The following ITGA5 variants were observed in gnomAD, a reference collection of about 807,000 sequenced individuals.
ITGA5 encodes integrin subunit alpha 5, also known as integrin alpha-5.
ITGA5 carries 55 observed loss-of-function variants against 146.3 expected under a neutral mutation model. The observed-to-expected ratio is 0.38, with a 90% CI of 0.30 to 0.47. The LOEUF is 0.47. ITGA5 is among the 20% of genes least tolerant of loss of function. ITGA5 has a pLI of 0.99. For missense variants in ITGA5, 1,131 were observed against 1,329.0 expected, an observed-to-expected ratio of 0.85 and a Z score of 2.32; for synonymous variants, 500 against 531.8, an observed-to-expected ratio of 0.94 and a Z score of 0.82.
chr12:54,399,937 T>C lies in ITGA5; in HGVS notation c.2654A>G (p.Glu885Gly), dbSNP rs1343847075. The change falls in exon 26 of 30, where the codon GAG becomes GGG. Residue 885 changes from glutamate to glycine, a missense_variant. Coordinates refer to ENST00000293379, the MANE Select transcript of ITGA5 (RefSeq NM_002205.5). ...INPKGLELDP[E>G]GSLHHQQKRE... ...TTTTTGCTGGTGGTGCAGGGAACCC[T>C]CGGGATCCAACTATAAAAGAAAGTG... The C allele has an allele frequency of 1.9e-6, 3 of 1,613,660 alleles. No homozygotes were observed. Among genetic ancestry groups the C allele is most frequent in the African/African-American group, 2.7e-5 (2 of 74,918 alleles).
chr12:54,402,889 C>T (rs1160659648), intron 19 of ITGA5, 94 bp downstream of exon 19: 1 of 990,208 alleles, frequency 1.0e-6, no homozygotes, highest in Non-Finnish European at 1.6e-6. Flanking sequence ...AGCTCAGCAA[C>T]TTCCCAAGGC....
Position 54,419,137 on chromosome 12 carries a change from C to G in ITGA5, c.62G>C (p.Arg21Pro), listed in dbSNP as rs776684780. ...HAVQLRWGPR[R>P]RPPLLPLLLL... ...CAGCAGCGGCAGCAGCGGGGGTCGG[C>G]GCCGGGGGCCCCAGCGCAGCTGCAC... The change falls in exon 1 of 30, where the codon CGC becomes CCC. Residue 21 changes from arginine to proline, a missense_variant. Arg to Pro is a moderately radical substitution (Grantham distance 103, BLOSUM62 -2). This residue lies in a region of ITGA5 where 175 missense variants were observed against 179.3 expected (regional missense o/e 0.98). Coordinates refer to ENST00000293379, the MANE Select transcript of ITGA5 (RefSeq NM_002205.5). 2.4e-4 allele frequency: 384 copies of G among 1,585,862 alleles called. No individual in the cohort carries two copies. The highest frequency in any genetic ancestry group is 3.1e-4 in the Non-Finnish European group (357 of 1,169,560).
At chr12:54,407,716 G>T in intron 8 of ITGA5, 24 bp from the exon 9 acceptor site, 1 of 1,612,488 alleles carries the variant, frequency 6.2e-7, no homozygotes, top group Non-Finnish European at 8.5e-7. Flanking sequence ...AGAAAGTTGT[G>T]ACCTAAGGGT....
In ITGA5 at chr12:54,409,507, C is replaced by A; in HGVS notation, c.440G>T (p.Arg147Leu). The change falls in exon 3 of 30, where the codon CGA becomes CTA. Residue 147 changes from arginine to leucine, a missense_variant. Arg to Leu is a moderately radical substitution (Grantham distance 102). Transcript: ENST00000293379. This position sits in a 1 kb window ranked among gnomAD's most constrained non-coding sequence, Gnocchi z 4.7. ...KSLQWFGATVRAHGSSILACA... is the reference protein window; with the variant it reads ...KSLQWFGATVLAHGSSILACA... The stretch of plus-strand genomic sequence containing the variant: ...CACCAAGATGGAGGAGCCATGGGCT[C>A]GAACTGTTGCCCCGAACCACTGCAA... 1 of 1,613,926 alleles carries A rather than the reference C, an allele frequency of 6.2e-7. No homozygotes were observed. Among genetic ancestry groups the A allele is most frequent in the Non-Finnish European group, 8.5e-7 (1 of 1,179,844 alleles).
In ITGA5 at chr12:54,401,978, A is replaced by G. The variant is rs1239812075; in HGVS notation, c.2226+23T>C. On this transcript the variant is annotated intron_variant, in intron 21 of 29. Coordinates refer to ENST00000293379, the MANE Select transcript of ITGA5 (RefSeq NM_002205.5). This position sits in a 1 kb window ranked among gnomAD's most constrained non-coding sequence, Gnocchi z 5.0. Reference sequence around the variant, plus strand: ...CTCAGGTCTGCTCTCCCTCTGTCCCATCCTCTTTCATCCCAAACTTACACT... The same window carrying G: ...CTCAGGTCTGCTCTCCCTCTGTCCCGTCCTCTTTCATCCCAAACTTACACT... 6.8e-6 allele frequency: 11 copies of G among 1,612,400 alleles called. No homozygotes were observed. In the East Asian group the frequency reaches 2.5e-4, roughly 36 times the overall value.
intron 1 of ITGA5, among the ~76,000 whole-genome samples, chr12:54,413,881 AG>A (rs1955975536): frequency 6.6e-6 from 1 of 152,230 alleles, no homozygotes; most frequent in African/African-American, 2.4e-5. Flanking sequence ...CCTGGAGCAC[AG>A]GGCTAAGGCC....
rs1955696878 is a variant in ITGA5, at chr12:54,395,551, G to A, written c.*742C>T. The A allele has an allele frequency of 6.6e-6, 1 of 152,494 alleles. No individual in the cohort carries two copies. Among genetic ancestry groups the A allele is most frequent in the South Asian group, 2.1e-4 (1 of 4,832 alleles). 9.4% of individuals were successfully genotyped at this position (152,494 alleles called of 1,614,324 possible). ...AAATTCCTGGCTTCTCCTAAATCAG[G>A]GTGAACTGGGCCTCCAGGATCAGGT... On this transcript the variant is annotated 3_prime_UTR_variant, in exon 30 of 30. Coordinates refer to ENST00000293379, the MANE Select transcript of ITGA5 (RefSeq NM_002205.5).
In ITGA5 at chr12:54,396,237, A is replaced by G; in HGVS notation, c.*56T>C. The G allele has an allele frequency of 7.2e-7, 1 of 1,380,342 alleles. No homozygotes were observed. Among genetic ancestry groups the G allele is most frequent in the Non-Finnish European group, 1.0e-6 (1 of 969,106 alleles). The allele number at this position is 1,380,342 out of a possible 1,614,324, so 85.5% of individuals were successfully genotyped here. A position where few individuals can be genotyped will look rare whatever the true frequency, so the allele number is the denominator to read the frequency against. ...AGTACCCAGACCCCTCCTTTTCAGT[A>G]GAATGAGGGTGGGGGGACTGGTTCT... is the stretch of plus-strand genomic sequence containing the variant. On this transcript the variant is annotated 3_prime_UTR_variant, in exon 30 of 30. Transcript: ENST00000293379.
Position 54,396,136 on chromosome 12 carries a change from C to G in ITGA5, c.*157G>C, listed in dbSNP as rs1955706007. 1 of 613,486 alleles carries G rather than the reference C, an allele frequency of 1.6e-6. No individual in the cohort carries two copies. The highest frequency in any genetic ancestry group is 2.9e-6 in the Non-Finnish European group (1 of 343,094). 38.0% of individuals were successfully genotyped at this position (613,486 alleles called of 1,614,324 possible). On this transcript the variant is annotated 3_prime_UTR_variant, in exon 30 of 30. Coordinates refer to ENST00000293379, the MANE Select transcript of ITGA5 (RefSeq NM_002205.5). Reference sequence around the variant, plus strand: ...GGGGAGGGATCCCCAGCTCCTCACCCCCCTGGCTCTGGCCCTTCAAGTATG... The same window carrying G: ...GGGGAGGGATCCCCAGCTCCTCACCGCCCTGGCTCTGGCCCTTCAAGTATG...
In ITGA5 at chr12:54,401,727, T is replaced by C; in HGVS notation, c.2306+49A>G. On this transcript the variant is annotated intron_variant, in intron 22 of 29. Transcript: ENST00000293379. The surrounding 1 kb of genome is among the most constrained non-coding windows in gnomAD (Gnocchi z 5.0). Reference sequence around the variant, plus strand: ...AGCCAGTGAGAATGGCGCCCAGCCCTCCCTTCCGTCCCCAGCTCAGCCCCA... The same window carrying C: ...AGCCAGTGAGAATGGCGCCCAGCCCCCCCTTCCGTCCCCAGCTCAGCCCCA... The C allele has an allele frequency of 6.2e-7, 1 of 1,610,480 alleles. No individual in the cohort carries two copies. The highest frequency in any genetic ancestry group is 8.5e-7 in the Non-Finnish European group (1 of 1,176,916).
In ITGA5 at chr12:54,405,258, G is replaced by A. The variant is rs773645556; in HGVS notation, c.1133C>T (p.Thr378Met). The A allele has an allele frequency of 3.7e-5, 60 of 1,613,822 alleles. No individual in the cohort carries two copies. Among genetic ancestry groups the A allele is most frequent in the Middle Eastern group, 1.6e-4 (1 of 6,076 alleles). Reference protein sequence around the residue: ...YLQHPAGIEPTPTLTLTGHDE... With the variant: ...YLQHPAGIEPMPTLTLTGHDE... ...ATGGCCAGTGAGGGTAAGGGTGGGC[G>A]TGGGCTCTATGCCGGCTGGGTGCTG... Residue 378 changes from threonine to methionine, a missense_variant, in exon 12 of 30, where the codon ACG (threonine) becomes ATG (methionine). Around this residue, in one of 3 missense-constraint regions of ITGA5, gnomAD observed 889 missense variants for 1,021.5 expected, o/e 0.87. Transcript: ENST00000293379.
In ITGA5 at chr12:54,399,926, G is replaced by A; in HGVS notation, c.2665C>T (p.His889Tyr). 2 of 1,614,044 alleles carry A rather than the reference G, an allele frequency of 1.2e-6. No homozygotes were observed. Among genetic ancestry groups the A allele is most frequent in the African/African-American group, 1.3e-5 (1 of 75,040 alleles). ...GLELDPEGSL[H>Y]HQQKREAPSR... ...GGAGCTTCCCGTTTTTGCTGGTGGT[G>A]CAGGGAACCCTCGGGATCCAACTAT... Residue 889 changes from histidine (H) to tyrosine (Y), a missense_variant, in exon 26 of 30, where the codon CAC (histidine) becomes TAC (tyrosine). Transcript: ENST00000293379.
chr12:54,417,771 T>C (rs1188313098), intron 1 of ITGA5, among the ~76,000 whole-genome samples: 1 of 152,028 alleles, frequency 6.6e-6, no homozygotes, highest in Non-Finnish European at 1.5e-5. Context: ...CTCAGAGATG[T>C]AGAAGAAAAA....
intron 9 of ITGA5, among the ~76,000 whole-genome samples, chr12:54,406,693 T>C (rs1955870513): frequency 6.6e-6 from 1 of 152,204 alleles, no homozygotes. Flanking sequence ...GCTGAAATTG[T>C]TTCCTTTTCT....
intron 9 of ITGA5, 86 bp downstream of exon 9, chr12:54,407,563 T>C: frequency 8.7e-7 from 1 of 1,154,652 alleles, no homozygotes; most frequent in Non-Finnish European, 1.3e-6. Context: ...CTGATCCACC[T>C]TTTTGAGCCC....
At chr12:54,400,067 A>G (rs1373222122) in intron 25 of ITGA5, 120 bp from the exon 26 acceptor site, 2 of 722,324 alleles carry the variant, frequency 2.8e-6, no homozygotes, top group South Asian at 1.6e-5. Context: ...GATTCATCCA[A>G]CTGTCCACCT....
chr12:54,412,723 G>A (rs183189561), intron 1 of ITGA5, among the ~76,000 whole-genome samples: 137 of 152,296 alleles, frequency 9.0e-4, no homozygotes, highest in African/African-American at 3.2e-3. Flanking sequence ...TGATATGAGG[G>A]GAAGTTTGCC....
intron 1 of ITGA5, among the ~76,000 whole-genome samples, chr12:54,418,126 C>G (rs1382543405): frequency 6.6e-6 from 1 of 152,022 alleles, no homozygotes; most frequent in East Asian, 1.9e-4. Context: ...CCGGTCTCAG[C>G]ACAGCTCCAG....
At chr12:54,407,439 A>G in intron 9 of ITGA5, 1 of 607,202 alleles carries the variant, frequency 1.6e-6, no homozygotes, top group South Asian at 1.9e-5. Context: ...GTATACAGAG[A>G]AGAAGAAGGC....
Sources: allele counts gnomAD v4.1 joint callset (sites outside exome capture counted in the v4.1 genomes callset), GRCh38; gene constraint gnomAD v4.1.1; regional missense constraint gnomAD v4.1.1; non-coding constraint Gnocchi (gnomAD v3.1); transcripts MANE v1.5; gene names NCBI Gene and HGNC (gene_info 2026-07-23, HGNC 2026-07-21).